Variants in DTX4 observed in about 807,000 individuals in gnomAD.
The protein encoded by DTX4 is deltex E3 ubiquitin ligase 4, also known as E3 ubiquitin-protein ligase DTX4.
A neutral mutation model predicts 57.6 loss-of-function variants in DTX4; 28 were observed. The ratio of observed to expected loss-of-function variants is 0.49; its 90% CI spans 0.36 to 0.67. The LOEUF (loss-of-function observed/expected upper bound fraction) is 0.67. Ranked by LOEUF, DTX4 falls within the 30% of genes least tolerant of loss-of-function variation. The probability of loss-of-function intolerance (pLI) is 0.00; values close to 1 mark genes in which losing one functional copy is unlikely to be tolerated. For synonymous variants in DTX4, 316 were observed against 331.0 expected (o/e 0.95, Z 0.49); for missense variants, 715 against 836.8 (o/e 0.85, Z 1.80).
chr11:59,207,394 G>A lies in DTX4; in HGVS notation c.*2485G>A, dbSNP rs1862826936. 2 of 152,448 alleles carry A rather than the reference G, an allele frequency of 1.3e-5. No homozygotes were observed. The highest frequency in any genetic ancestry group is 2.4e-5 in the African/African-American group (1 of 41,478). The allele number at this position is 152,448 out of a possible 1,614,324, so 9.4% of individuals were successfully genotyped here. ...AGCCTTTTCCCCTGGGCTTTTGATT[G>A]TGTCTGTGCCCCCTTTCTTGTCCTC... On this transcript the variant is annotated 3_prime_UTR_variant, in exon 9 of 9. Transcript: ENST00000227451.
At chr11:59,197,395 T>C (rs1212413362) in intron 7 of DTX4, among the ~76,000 whole-genome samples, 1 of 151,744 alleles carries the variant, frequency 6.6e-6, no homozygotes, top group African/African-American at 2.4e-5. Flanking sequence ...AGGGTTTAAT[T>C]TGGGGCTCAA....
At chr11:59,197,808 C>T (rs1252320131) in intron 7 of DTX4, among the ~76,000 whole-genome samples, 1 of 152,092 alleles carries the variant, frequency 6.6e-6, no homozygotes, top group Non-Finnish European at 1.5e-5. Flanking sequence ...AAAAACAGGA[C>T]TTGGGAGAAA....
At chr11:59,204,067 T>C (rs146918210) in intron 8 of DTX4, among the ~76,000 whole-genome samples, 1 of 152,208 alleles carries the variant, frequency 6.6e-6, no homozygotes, top group Non-Finnish European at 1.5e-5. Context: ...ATTTTTTTTT[T>C]AATTTAACTG....
At position 59,207,219 on chromosome 11, in the gene DTX4, C is replaced by T. The variant is rs1862823562; in HGVS notation, c.*2310C>T. 6.6e-6 allele frequency: 1 copy of T among 152,222 alleles called. No homozygotes were observed. The highest frequency in any genetic ancestry group is 2.4e-5 in the African/African-American group (1 of 41,418). The allele number at this position is 152,222 out of a possible 1,614,324, so 9.4% of individuals were successfully genotyped here. A position where few individuals can be genotyped will look rare whatever the true frequency, so the allele number is the denominator to read the frequency against. ...CAGACTTTCAAAATGGAATTAGGCA[C>T]TGGGGAGAGATCAGTTTCCCCACAT... is the stretch of plus-strand genomic sequence containing the variant. On this transcript the variant is annotated 3_prime_UTR_variant, in exon 9 of 9. Coordinates refer to ENST00000227451, the MANE Select transcript of DTX4 (RefSeq NM_015177.2).
chr11:59,199,538 C>T, intron 7 of DTX4, 146 bp from the exon 8 acceptor site: 1 of 665,884 alleles, frequency 1.5e-6, no homozygotes, highest in Non-Finnish European at 2.6e-6. Context: ...TAAATGACCA[C>T]TCACAGTGCT....
chr11:59,189,393 C>A, intron 4 of DTX4, 70 bp downstream of exon 4: 1 of 1,431,768 alleles, frequency 7.0e-7, no homozygotes, highest in South Asian at 1.4e-5. Flanking sequence ...TCTGCCTCAA[C>A]CTCCAAGGGT....
chr11:59,193,290 G>A (rs1444195434), intron 6 of DTX4, among the ~76,000 whole-genome samples: 1 of 152,076 alleles, frequency 6.6e-6, no homozygotes, highest in Non-Finnish European at 1.5e-5. Flanking sequence ...TACTTTATGG[G>A]GTCTTATGCT....
chr11:59,186,799 G>C (rs1862534418), intron 2 of DTX4, among the ~76,000 whole-genome samples: 1 of 152,204 alleles, frequency 6.6e-6, no homozygotes, highest in Non-Finnish European at 1.5e-5. Flanking sequence ...CCAGAAACAA[G>C]TCCATTCTTC....
At chr11:59,179,941 C>A (rs574978647) in intron 1 of DTX4, among the ~76,000 whole-genome samples, 1 of 149,174 alleles carries the variant, frequency 6.7e-6, no homozygotes, top group African/African-American at 2.4e-5. Context: ...CACACACACA[C>A]CCTCACACAC....
intron 2 of DTX4, among the ~76,000 whole-genome samples, chr11:59,187,787 A>T (rs1240478145): frequency 6.6e-6 from 1 of 152,254 alleles, no homozygotes; most frequent in Non-Finnish European, 1.5e-5. Context: ...CGCCTTTCCC[A>T]GGCAGCTGTG....
At position 59,172,716 on chromosome 11, in the gene DTX4, G is replaced by GCCC. The variant is rs2135508423; in HGVS notation, c.121_122insCCC (p.Gly41delinsAlaArg). 3 of 1,603,562 alleles carry GCCC rather than the reference G, an allele frequency of 1.9e-6. No homozygotes were observed. The East Asian group carries it at 6.8e-5, about 36-fold the overall frequency. The stretch of plus-strand genomic sequence containing the variant: ...GGTGGTCCGCGCCGGCCCCCGCGCG[G>GCCC]GGGGCAGCGTGGTGCTGGGCCAGGT... On this transcript the variant is annotated protein_altering_variant, in exon 1 of 9. Transcript: ENST00000227451.
intron 6 of DTX4, 136 bp downstream of exon 6, chr11:59,192,386 C>A: frequency 9.7e-7 from 1 of 1,033,336 alleles, no homozygotes; most frequent in Non-Finnish European, 1.4e-6. Context: ...GAGTGATGAT[C>A]TTGGCTGTTC....
chr11:59,174,501 G>GAAAAA (rs71036507), intron 1 of DTX4, among the ~76,000 whole-genome samples: 12 of 118,054 alleles, frequency 1.0e-4, no homozygotes, highest in African/African-American at 3.5e-4. Flanking sequence ...TCCAGTCCTG[G>GAAAAA]AAAAAAAAAA....
chr11:59,174,363 T>C (rs1249332059), intron 1 of DTX4, among the ~76,000 whole-genome samples: 2 of 149,858 alleles, frequency 1.3e-5, no homozygotes, highest in African/African-American at 4.9e-5. Flanking sequence ...TGGGTAAAGG[T>C]TGTGGAGGTG....
intron 2 of DTX4, among the ~76,000 whole-genome samples, chr11:59,185,483 T>C (rs1170164967): frequency 6.6e-6 from 1 of 151,988 alleles, no homozygotes; most frequent in Non-Finnish European, 1.5e-5. Flanking sequence ...GGCCAAGCAG[T>C]GGTTAGGACA....
In DTX4 at chr11:59,205,217, G is replaced by T; in HGVS notation, c.*308G>T. ...TACCCCACCTCCCAAGTAGGGGCAT[G>T]GTCAGCACACCTAGGGTATGGGCAG... On this transcript the variant is annotated 3_prime_UTR_variant, in exon 9 of 9. Coordinates refer to ENST00000227451, the MANE Select transcript of DTX4 (RefSeq NM_015177.2). 2.8e-6 allele frequency: 1 copy of T among 361,400 alleles called. No individual in the cohort carries two copies. The highest frequency in any genetic ancestry group is 2.8e-5 in the South Asian group (1 of 35,624). The allele number at this position is 361,400 out of a possible 1,614,324, so 22.4% of individuals were successfully genotyped here.
intron 6 of DTX4, among the ~76,000 whole-genome samples, chr11:59,193,942 T>G (rs142942505): frequency 9.2e-5 from 14 of 152,292 alleles, no homozygotes; most frequent in Admixed American, 2.0e-4. Context: ...GCAGCACATT[T>G]TACACACGTT....
intron 8 of DTX4, 107 bp from the exon 9 acceptor site, chr11:59,204,569 T>C (rs1862780018): frequency 9.6e-7 from 1 of 1,041,812 alleles, no homozygotes. Flanking sequence ...TAGGGTATCA[T>C]GATGCAGGAA....
chr11:59,181,191 G>A (rs1862458018), intron 1 of DTX4, among the ~76,000 whole-genome samples: 1 of 152,184 alleles, frequency 6.6e-6, no homozygotes, highest in Admixed American at 6.5e-5. Context: ...AGAGCATTTA[G>A]AGGAACAGAG....
Sources: allele counts gnomAD v4.1 joint callset (sites outside exome capture counted in the v4.1 genomes callset), GRCh38; gene constraint gnomAD v4.1.1; transcripts MANE v1.5; gene names NCBI Gene and HGNC (gene_info 2026-07-23, HGNC 2026-07-21).